The following ASTN2 variants were observed in gnomAD, a reference collection of about 807,000 sequenced individuals.
The protein encoded by ASTN2 is astrotactin-2.
Under a neutral mutation model 139.8 loss-of-function variants are expected in ASTN2, and 54 were observed. The observed-to-expected ratio is 0.39, with a 90% confidence interval of 0.31 to 0.48. The LOEUF (loss-of-function observed/expected upper bound fraction) is 0.48, where lower values mean the gene tolerates loss of function less well. Among genes scored for constraint, ASTN2 ranks in the 20% least tolerant of loss-of-function variants. The probability of loss-of-function intolerance (pLI) is 0.95; values close to 1 mark genes in which losing one functional copy is unlikely to be tolerated. For synonymous variants in ASTN2, 756 were observed against 719.5 expected (o/e 1.05, Z -0.81); for missense variants, 1,565 against 1,725.1 (o/e 0.91, Z 1.64).
chr9:116,550,239 GT>G (rs1017409161), intron 19 of ASTN2, among the ~76,000 whole-genome samples: 61 of 152,282 alleles, frequency 4.0e-4, no homozygotes, highest in African/African-American at 1.5e-3. Flanking sequence ...GGCATAAACT[GT>G]GAACTGTGAC....
chr9:116,552,815 C>A (rs1852412292), intron 19 of ASTN2, among the ~76,000 whole-genome samples: 1 of 152,218 alleles, frequency 6.6e-6, no homozygotes, highest in Non-Finnish European at 1.5e-5. Flanking sequence ...ACACTCTGAT[C>A]TAAGCTGCAT....
chr9:116,850,057 G>C (rs1832552253), intron 11 of ASTN2, among the ~76,000 whole-genome samples: 1 of 152,180 alleles, frequency 6.6e-6, no homozygotes, highest in African/African-American at 2.4e-5. Flanking sequence ...TCAGGGGATT[G>C]AAAAGGATGA....
At chr9:116,730,947 T>A (rs1441743) in intron 14 of ASTN2, among the ~76,000 whole-genome samples, 83,644 of 151,930 alleles carry the variant, frequency 0.55, 24,170 homozygotes, top group Admixed American at 0.66. Context: ...GAGGTCAAGG[T>A]CACGGTCTAT....
At chr9:117,273,032 C>A (rs1401639370) in intron 2 of ASTN2, among the ~76,000 whole-genome samples, 1 of 152,130 alleles carries the variant, frequency 6.6e-6, no homozygotes, top group Non-Finnish European at 1.5e-5. Flanking sequence ...TTTTTCACAT[C>A]GCTGATAAAG....
intron 16 of ASTN2, among the ~76,000 whole-genome samples, chr9:116,683,347 T>C (rs1860004616): frequency 6.6e-6 from 1 of 152,180 alleles, no homozygotes; most frequent in African/African-American, 2.4e-5. Flanking sequence ...AATTCTGATA[T>C]GATTTAGAGT....
At chr9:117,197,999 T>TA (rs1831564866) in intron 3 of ASTN2, among the ~76,000 whole-genome samples, 1 of 152,076 alleles carries the variant, frequency 6.6e-6, no homozygotes, top group Non-Finnish European at 1.5e-5. Context: ...AAGATTTTTT[T>TA]TCTTTGTCCT....
chr9:116,764,241 G>C (rs1829748205), intron 13 of ASTN2, among the ~76,000 whole-genome samples: 2 of 152,190 alleles, frequency 1.3e-5, no homozygotes, highest in African/African-American at 2.4e-5. Context: ...AGCCCTTATG[G>C]GGACTGCCTC....
intron 19 of ASTN2, among the ~76,000 whole-genome samples, chr9:116,565,388 C>CTCTCTCTCTCTCTCTCTAT (rs1564120372): frequency 2.9e-5 from 1 of 34,020 alleles, no homozygotes; most frequent in African/African-American, 1.4e-4. Context: ...TCTCTCTCTC[C>CTCTCTCTCTCTCTCTCTAT]ATATATATAT....
intron 2 of ASTN2, among the ~76,000 whole-genome samples, chr9:117,220,632 T>C (rs181906795): frequency 6.6e-6 from 1 of 152,122 alleles, no homozygotes; most frequent in Non-Finnish European, 1.5e-5. Flanking sequence ...GGAATGCCGA[T>C]GGTCATCAGC....
At chr9:116,646,663 C>T (rs1305501226) in intron 17 of ASTN2, among the ~76,000 whole-genome samples, 1 of 152,106 alleles carries the variant, frequency 6.6e-6, no homozygotes, top group African/African-American at 2.4e-5. Context: ...ACACTTTAAA[C>T]AGGCCTTTCA....
intron 17 of ASTN2, among the ~76,000 whole-genome samples, chr9:116,630,674 G>A (rs749093272): frequency 6.6e-6 from 1 of 151,982 alleles, no homozygotes. Flanking sequence ...GACCTCAAAA[G>A]CACAGGCAAT....
chr9:116,471,435 T>A (rs558686920), intron 20 of ASTN2, among the ~76,000 whole-genome samples: 2 of 152,288 alleles, frequency 1.3e-5, no homozygotes, highest in South Asian at 4.2e-4. Context: ...ACAGGGCCTC[T>A]CCCTCCCCTT....
At chr9:117,401,041 C>T (rs1042192814) in intron 1 of ASTN2, among the ~76,000 whole-genome samples, 1 of 152,114 alleles carries the variant, frequency 6.6e-6, no homozygotes, top group South Asian at 2.1e-4. Context: ...GTTTATTTAA[C>T]GAGCACATAG....
intron 1 of ASTN2, among the ~76,000 whole-genome samples, chr9:117,346,167 T>A (rs1457686105): frequency 6.6e-6 from 1 of 152,186 alleles, no homozygotes; most frequent in African/African-American, 2.4e-5. Context: ...TCACTTGTAC[T>A]GACTCTTTGT....
At chr9:117,030,238 T>C (rs1394186074) in intron 6 of ASTN2, among the ~76,000 whole-genome samples, 22 of 152,184 alleles carry the variant, frequency 1.4e-4, no homozygotes, top group Admixed American at 1.4e-3. Flanking sequence ...ACTAACTCTA[T>C]AGACTTGAAG....
At chr9:116,496,423 G>A (rs1456326124) in intron 19 of ASTN2, among the ~76,000 whole-genome samples, 1 of 152,174 alleles carries the variant, frequency 6.6e-6, no homozygotes, top group Non-Finnish European at 1.5e-5. Context: ...TTATTTGGGA[G>A]GTGATTCCAG....
intron 5 of ASTN2, among the ~76,000 whole-genome samples, chr9:117,094,261 G>A (rs1021545622): frequency 6.6e-6 from 1 of 151,892 alleles, no homozygotes; most frequent in Non-Finnish European, 1.5e-5. Context: ...AGACAGGGAG[G>A]AAAGAATGAA....
At chr9:117,144,495 T>A (rs896439575) in intron 3 of ASTN2, among the ~76,000 whole-genome samples, 1 of 151,942 alleles carries the variant, frequency 6.6e-6, no homozygotes, top group Non-Finnish European at 1.5e-5. Context: ...TAAAACATTA[T>A]GAGATTTGAA....
intron 2 of ASTN2, among the ~76,000 whole-genome samples, chr9:117,218,133 T>C (rs1318788448): frequency 1.3e-5 from 2 of 152,204 alleles, no homozygotes; most frequent in African/African-American, 4.8e-5. Context: ...ACCTACACAA[T>C]TTCAGGCACA....
Sources: allele counts gnomAD v4.1 joint callset (sites outside exome capture counted in the v4.1 genomes callset), GRCh38; gene constraint gnomAD v4.1.1; transcripts MANE v1.5; gene names NCBI Gene and HGNC (gene_info 2026-07-23, HGNC 2026-07-21).